PCDHGA11: variants seen among roughly 807,000 people sequenced by gnomAD.
PCDHGA11 encodes protocadherin gamma-A11.
In PCDHGA11, 39 loss-of-function variants were observed where a neutral mutation model predicts 60.4. That is an observed-to-expected ratio of 0.65 (90% confidence interval 0.50 to 0.84). The LOEUF is 0.84. Ranked by LOEUF, PCDHGA11 falls within the 40% of genes least tolerant of loss-of-function variation. The pLI is 0.00. For missense variants in PCDHGA11, 1,165 were observed against 1,197.7 expected (o/e 0.97, Z 0.40); for synonymous variants, 533 against 510.3 (o/e 1.04, Z -0.60).
Position 141,464,284 on chromosome 5 carries a change from A to C in PCDHGA11, c.2434-30523A>C, listed in dbSNP as rs1237360752. ...CGTCTAAAAAAAAAAAAAAGCAAAA[A>C]AAAAAACTCCATTGTATGTGCACAT... On this transcript the variant is annotated intron_variant, in intron 1 of 3. Coordinates refer to ENST00000398587, the MANE Select transcript of PCDHGA11 (RefSeq NM_018914.3). 4.0e-5 allele frequency among the ~76,000 whole-genome samples: 6 copies of C among 151,546 alleles called. No individual in the cohort carries two copies. The South Asian group carries it at 1.0e-3, about 26-fold the overall frequency.
chr5:141,431,002 C>A lies in PCDHGA11; in HGVS notation c.2433+7342C>A, dbSNP rs1055964066. The A allele has an allele frequency of 6.2e-7, 1 of 1,613,836 alleles. No individual in the cohort carries two copies. Among genetic ancestry groups the A allele is most frequent in the Admixed American group, 1.7e-5 (1 of 59,990 alleles). The stretch of plus-strand genomic sequence containing the variant: ...AGCTTTTCGCCCTGAATCCGCGCAG[C>A]GGCAGCTTGGTCACGGCGGGCAGGA... On this transcript the variant is annotated intron_variant, in intron 1 of 3. Transcript: ENST00000398587. The surrounding 1 kb of genome is among the most constrained non-coding windows in gnomAD (Gnocchi z 4.8).
In PCDHGA11 at chr5:141,486,705, A is replaced by T. The variant is rs2099633722; in HGVS notation, c.2434-8102A>T. On this transcript the variant is annotated intron_variant, in intron 1 of 3. Transcript: ENST00000398587. This position sits in a 1 kb window ranked among gnomAD's most constrained non-coding sequence, Gnocchi z 5.0. ...TCAGCTTCCTCTTTCATCTCTCTGA[A>T]CCCCCAGACAGGAGCTGTTCATGCT... The T allele has an allele frequency of 6.2e-7, 1 of 1,613,844 alleles. No individual in the cohort carries two copies. The highest frequency in any genetic ancestry group is 1.3e-5 in the African/African-American group (1 of 74,910).
Position 141,491,680 on chromosome 5 carries a change from A to G in PCDHGA11, c.2434-3127A>G. The G allele has an allele frequency of 6.2e-7, 1 of 1,613,304 alleles. No individual in the cohort carries two copies. The highest frequency in any genetic ancestry group is 2.2e-5 in the East Asian group (1 of 44,820). ...TGACGCCATCCGGTCCCGCTCTAATACGCTGCGGGAGCGGAGCCAGGTGAG... is the reference window on the plus strand; with the variant it reads ...TGACGCCATCCGGTCCCGCTCTAATGCGCTGCGGGAGCGGAGCCAGGTGAG... On this transcript the variant is annotated intron_variant, in intron 1 of 3. Transcript: ENST00000398587. The surrounding 1 kb of genome is among the most constrained non-coding windows in gnomAD (Gnocchi z 6.9).
chr5:141,505,883 T>C (rs1225759976), intron 3 of PCDHGA11, among the ~76,000 whole-genome samples: 1 of 152,118 alleles, frequency 6.6e-6, no homozygotes, highest in East Asian at 1.9e-4. Flanking sequence ...GTTGTAGAGA[T>C]TAAATGAGAT....
Position 141,431,859 on chromosome 5 carries a change from C to T in PCDHGA11, c.2433+8199C>T. ...AACTCTCCCAGAGGGACATTAATTG[C>T]CCTTTTAAATGTAAATGACCAAGAT... On this transcript the variant is annotated intron_variant, in intron 1 of 3. Coordinates refer to ENST00000398587, the MANE Select transcript of PCDHGA11 (RefSeq NM_018914.3). The surrounding 1 kb of genome is among the most constrained non-coding windows in gnomAD (Gnocchi z 4.8). 3.1e-6 allele frequency: 5 copies of T among 1,614,178 alleles called. No homozygotes were observed. The highest frequency in any genetic ancestry group is 4.2e-6 in the Non-Finnish European group (5 of 1,180,008).
intron 1 of PCDHGA11, among the ~76,000 whole-genome samples, chr5:141,435,264 T>C (rs1442193276): frequency 5.3e-5 from 8 of 152,222 alleles, no homozygotes; most frequent in Non-Finnish European, 8.8e-5. Context: ...GATATGTCCA[T>C]TTATACTTTC....
At chr5:141,430,551 C>T (rs2097292247) in intron 1 of PCDHGA11, 2 of 406,412 alleles carry the variant, frequency 4.9e-6, no homozygotes, top group Admixed American at 4.1e-5. Context: ...CCGCTGTTCA[C>T]CAATCGGGGA....
chr5:141,421,587 G>T lies in PCDHGA11; in HGVS notation c.360G>T (p.Val120=), dbSNP rs758433133. 3.7e-6 allele frequency: 6 copies of T among 1,613,900 alleles called. No homozygotes were observed. Among genetic ancestry groups the T allele is most frequent in the Non-Finnish European group, 4.2e-6 (5 of 1,179,836 alleles). Residue 120 remains valine (V), a synonymous_variant, in exon 1 of 4, where the codon GTG becomes GTT. Coordinates refer to ENST00000398587, the MANE Select transcript of PCDHGA11 (RefSeq NM_018914.3). ...AAGACACCTTGAAGATTTACGGAGT[G>T]GAGGTGGAAATAATAGATATTAATG... The part of the protein sequence containing the change: ...LVEDTLKIYG[V]EVEIIDINDN...
At chr5:141,495,558 A>G (rs2099762084) in intron 2 of PCDHGA11, among the ~76,000 whole-genome samples, 1 of 151,662 alleles carries the variant, frequency 6.6e-6, no homozygotes, top group Admixed American at 6.6e-5. Flanking sequence ...TCGCTTTGCA[A>G]TCTCTGCCTC....
Position 141,431,789 on chromosome 5 carries a change from G to A in PCDHGA11, c.2433+8129G>A, listed in dbSNP as rs760507500. On this transcript the variant is annotated intron_variant, in intron 1 of 3. Coordinates refer to ENST00000398587, the MANE Select transcript of PCDHGA11 (RefSeq NM_018914.3). This position sits in a 1 kb window ranked among gnomAD's most constrained non-coding sequence, Gnocchi z 4.8. ...CACTGTTCTGGACGTGAACGACAATGCCCCAGAAGTGGTCCTCACCTCTCT... is the reference window on the plus strand; with the variant it reads ...CACTGTTCTGGACGTGAACGACAATACCCCAGAAGTGGTCCTCACCTCTCT... 7.4e-6 allele frequency: 12 copies of A among 1,614,096 alleles called. No homozygotes were observed. The highest frequency in any genetic ancestry group is 5.9e-6 in the Non-Finnish European group (7 of 1,180,042).
At position 141,491,872 on chromosome 5, in the gene PCDHGA11, G is replaced by A; in HGVS notation, c.2434-2935G>A. On this transcript the variant is annotated intron_variant, in intron 1 of 3. Transcript: ENST00000398587. The surrounding 1 kb of genome is among the most constrained non-coding windows in gnomAD (Gnocchi z 6.9). ...CCGTTTGCGCGAAACCAGAGTGGCCGATTAAGGGATGGGGCTCCGAGCACC... is the reference window on the plus strand; with the variant it reads ...CCGTTTGCGCGAAACCAGAGTGGCCAATTAAGGGATGGGGCTCCGAGCACC... 6.9e-7 allele frequency: 1 copy of A among 1,452,190 alleles called. No individual in the cohort carries two copies. The highest frequency in any genetic ancestry group is 9.1e-7 in the Non-Finnish European group (1 of 1,098,644). The allele number at this position is 1,452,190 out of a possible 1,614,324, so 90.0% of individuals were successfully genotyped here.
In PCDHGA11 at chr5:141,486,657, T is replaced by G. The variant is rs1171065175; in HGVS notation, c.2434-8150T>G. On this transcript the variant is annotated intron_variant, in intron 1 of 3. Transcript: ENST00000398587. The surrounding 1 kb of genome is among the most constrained non-coding windows in gnomAD (Gnocchi z 5.0). ...AATGCGCTTATCTCCTACTCACTCC[T>G]GGAGCCCAGGAATCGAGATGTATCA... 3 of 1,614,010 alleles carry G rather than the reference T, an allele frequency of 1.9e-6. No homozygotes were observed. Among genetic ancestry groups the G allele is most frequent in the Non-Finnish European group, 2.5e-6 (3 of 1,180,030 alleles).
At chr5:141,442,452 CA>C (rs2098325918) in intron 1 of PCDHGA11, 1 of 152,226 alleles carries the variant, frequency 6.6e-6, no homozygotes, top group Admixed American at 6.5e-5. Flanking sequence ...GACTCAATAG[CA>C]GTTTCACTGC....
rs749916401 is a variant in PCDHGA11, at chr5:141,421,363, G to T, written c.136G>T (p.Val46Leu). The T allele has an allele frequency of 1.2e-6, 2 of 1,613,898 alleles. No homozygotes were observed. The highest frequency in any genetic ancestry group is 2.2e-5 in the South Asian group (2 of 91,094). ...AGAAGAGACCGAAAAGGGCTCCTTC[G>T]TGGGCAATATCTCCAAGGACCTGGG... ...VPEETEKGSF[V>L]GNISKDLGLE... The change falls in exon 1 of 4, where the codon GTG becomes TTG. Residue 46 changes from valine (V) to leucine (L), a missense_variant. Physicochemically the swap from Val to Leu is conservative, Grantham distance 32. Coordinates refer to ENST00000398587, the MANE Select transcript of PCDHGA11 (RefSeq NM_018914.3).
chr5:141,452,449 T>G (rs1482580788), intron 1 of PCDHGA11, among the ~76,000 whole-genome samples: 1 of 152,224 alleles, frequency 6.6e-6, no homozygotes, highest in South Asian at 2.1e-4. Flanking sequence ...TTCTAGGCCT[T>G]GTCAGCAGAC....
chr5:141,450,556 G>A lies in PCDHGA11; in HGVS notation c.2433+26896G>A, dbSNP rs534127421. Among the ~76,000 whole-genome samples, 5 of 151,822 alleles carry A rather than the reference G, an allele frequency of 3.3e-5. 1 individual carries two copies. Among genetic ancestry groups the A allele is most frequent in the South Asian group, 2.1e-4 (1 of 4,804 alleles). On this transcript the variant is annotated intron_variant, in intron 1 of 3. Transcript: ENST00000398587. ...GGCTGGAATGCAGTGGCGCAGTCTCGGCTCACTGCAACTTCTGCCTCCCAG... is the reference window on the plus strand; with the variant it reads ...GGCTGGAATGCAGTGGCGCAGTCTCAGCTCACTGCAACTTCTGCCTCCCAG...
intron 2 of PCDHGA11, among the ~76,000 whole-genome samples, chr5:141,498,114 G>C (rs1336064850): frequency 6.6e-6 from 1 of 152,196 alleles, no homozygotes; most frequent in East Asian, 1.9e-4. Flanking sequence ...CGTATAATAG[G>C]GATTTGATTT....
At chr5:141,473,919 A>G (rs2099331297) in intron 1 of PCDHGA11, among the ~76,000 whole-genome samples, 1 of 152,172 alleles carries the variant, frequency 6.6e-6, no homozygotes, top group African/African-American at 2.4e-5. Flanking sequence ...TAAGAAAACT[A>G]TGAGCTGGGT....
chr5:141,492,084 G>A (rs979755390), intron 1 of PCDHGA11, among the ~76,000 whole-genome samples: 1 of 152,236 alleles, frequency 6.6e-6, no homozygotes, highest in Non-Finnish European at 1.5e-5. Flanking sequence ...GCTCCGGCAC[G>A]CTTCGCCGGT....
Sources: gnomAD v4.1 joint callset for allele counts (sites outside exome capture counted in the v4.1 genomes callset) on GRCh38, gnomAD v4.1.1 for gene constraint, Gnocchi (gnomAD v3.1) non-coding constraint, MANE v1.5 for transcripts, NCBI Gene and HGNC (gene_info 2026-07-23, HGNC 2026-07-21) for gene names.